Variants in ACER1 observed in about 807,000 individuals in gnomAD.
ACER1 encodes CTB-180A7.3.
Under a neutral mutation model 24.9 loss-of-function variants are expected in ACER1, and 28 were observed. The observed-to-expected ratio is 1.13, with a 90% CI of 0.83 to 1.54. The LOEUF (loss-of-function observed/expected upper bound fraction) is 1.54. Among genes scored for constraint, ACER1 ranks in the 40% most tolerant of loss-of-function variants. The pLI is 0.00. For missense variants in ACER1, 352 were observed against 349.3 expected (o/e 1.01, Z -0.06); for synonymous variants, 132 against 131.4 (o/e 1.00, Z -0.03).
At chr19:6,343,119 G>C in the ACER1 span, among the ~76,000 whole-genome samples, 2 of 152,192 alleles carry the variant, frequency 1.3e-5, no homozygotes, top group African/African-American at 4.8e-5. Flanking sequence ...TACTGGTGAG[G>C]ATGGGAAGTG....
chr19:6,350,463 C>T, the ACER1 span, among the ~76,000 whole-genome samples: 4 of 151,924 alleles, frequency 2.6e-5, no homozygotes, highest in South Asian at 2.1e-4. Flanking sequence ...CCCAGGTACT[C>T]GGGAGGCTGA....
At chr19:6,336,898 G>A (rs950523177), upstream of ACER1, among the ~76,000 whole-genome samples, 1 of 151,170 alleles carries the variant, frequency 6.6e-6, no homozygotes, top group East Asian at 1.9e-4. Flanking sequence ...TGAACTGGCC[G>A]GGCATGGTGG....
At chr19:6,337,835 C>T (rs907190775), upstream of ACER1, among the ~76,000 whole-genome samples, 1 of 151,188 alleles carries the variant, frequency 6.6e-6, no homozygotes, top group South Asian at 2.1e-4. Context: ...ACCACCAACG[C>T]CTGGCTAATT....
the ACER1 span, among the ~76,000 whole-genome samples, chr19:6,349,240 G>A: frequency 6.6e-6 from 1 of 151,778 alleles, no homozygotes; most frequent in Non-Finnish European, 1.5e-5. Context: ...GCTTTGAGAA[G>A]CAGAGGCAGG....
chr19:6,334,405 C>T (rs1262966807), upstream of ACER1, among the ~76,000 whole-genome samples: 8 of 151,776 alleles, frequency 5.3e-5, no homozygotes, highest in African/African-American at 1.5e-4. Context: ...AGTGTAGTGG[C>T]GCAATGTCAG....
intron 4 of ACER1, among the ~76,000 whole-genome samples, chr19:6,308,916 C>T (rs2091564138): frequency 6.6e-6 from 1 of 151,924 alleles, no homozygotes; most frequent in Non-Finnish European, 1.5e-5. Flanking sequence ...AGGACAAACT[C>T]TGCTGGGCAC....
the ACER1 span, among the ~76,000 whole-genome samples, chr19:6,350,664 A>G: frequency 4.8e-3 from 723 of 150,190 alleles, 2 homozygotes; most frequent in Middle Eastern, 0.01. Flanking sequence ...GGAGGGAAGG[A>G]TGGAAGGAAG....
chr19:6,321,356 G>A (rs572249243), intron 1 of ACER1, among the ~76,000 whole-genome samples: 2 of 152,260 alleles, frequency 1.3e-5, no homozygotes, highest in African/African-American at 4.8e-5. Context: ...GGCAAGACTA[G>A]TCTTGAACTC....
At chr19:6,350,991 G>A in the ACER1 span, among the ~76,000 whole-genome samples, 3 of 152,152 alleles carry the variant, frequency 2.0e-5, no homozygotes, top group South Asian at 2.1e-4. Context: ...AGAAAGTCAT[G>A]TCTATCTTGT....
chr19:6,334,423 C>A (rs551244685), upstream of ACER1, among the ~76,000 whole-genome samples: 2 of 152,156 alleles, frequency 1.3e-5, no homozygotes, highest in Admixed American at 1.3e-4. Context: ...CAGCTCACTG[C>A]AACCTCCACC....
In ACER1 at chr19:6,310,779, C is replaced by G. The variant is rs1442051046; in HGVS notation, c.351-945G>C. The stretch of plus-strand genomic sequence containing the variant: ...CCTGTAATCTCAGCTACTAAAGAGG[C>G]TGAGGCAGGGATCGCTTGAGCCTGG... On this transcript the variant is annotated intron_variant, in intron 3 of 5. Coordinates refer to ENST00000301452, the MANE Select transcript of ACER1 (RefSeq NM_133492.3). Among the ~76,000 whole-genome samples, 5 of 149,654 alleles carry G rather than the reference C, an allele frequency of 3.3e-5. No homozygotes were observed. In the Admixed American group the frequency reaches 3.4e-4, roughly 10 times the overall value.
intron 1 of ACER1, among the ~76,000 whole-genome samples, chr19:6,326,120 A>AT (rs961518968): frequency 0.21 from 20,882 of 97,126 alleles, 2,770 homozygotes; most frequent in East Asian, 0.37. Flanking sequence ...ATGCTCAGCT[A>AT]TTTTTTTTTT....
chr19:6,359,863 T>C, the ACER1 span, among the ~76,000 whole-genome samples: 1 of 152,182 alleles, frequency 6.6e-6, no homozygotes, highest in Admixed American at 6.6e-5. Context: ...CAAAGCCCTC[T>C]ACCTACCTCC....
chr19:6,356,359 A>C, the ACER1 span, among the ~76,000 whole-genome samples: 21 of 149,256 alleles, frequency 1.4e-4, no homozygotes, highest in Non-Finnish European at 8.9e-5. Context: ...TCCTCTGCCT[A>C]GGAAAACCAG....
At chr19:6,349,634 C>A in the ACER1 span, among the ~76,000 whole-genome samples, 2 of 152,126 alleles carry the variant, frequency 1.3e-5, no homozygotes, top group African/African-American at 4.8e-5. Context: ...AGCCAGTGAG[C>A]CCCATCAGAG....
At chr19:6,354,498 A>G in the ACER1 span, among the ~76,000 whole-genome samples, 1 of 152,256 alleles carries the variant, frequency 6.6e-6, no homozygotes, top group Admixed American at 6.5e-5. Context: ...GCAATAGAAC[A>G]GGATCAAATA....
At chr19:6,343,552 T>G in the ACER1 span, among the ~76,000 whole-genome samples, 3 of 151,778 alleles carry the variant, frequency 2.0e-5, no homozygotes, top group Non-Finnish European at 2.9e-5. Flanking sequence ...AATCCCAAAA[T>G]GTGCCCTTTG....
chr19:6,344,632 G>C, the ACER1 span, among the ~76,000 whole-genome samples: 1 of 135,198 alleles, frequency 7.4e-6, no homozygotes. Flanking sequence ...CTGACCTCAA[G>C]TGATCCGCCT....
Position 6,324,774 on chromosome 19 carries a change from AAG to A in ACER1, c.93+8683_93+8684del, listed in dbSNP as rs530771445. On this transcript the variant is annotated intron_variant, in intron 1 of 5. Coordinates refer to ENST00000301452, the MANE Select transcript of ACER1 (RefSeq NM_133492.3). ...CAAAACAAAATAAAATAAAGAAAGA[AAG>A]AGAAAGAGAGAGAAGAGAGAAGAAA... is the stretch of plus-strand genomic sequence containing the variant. Among the ~76,000 whole-genome samples, 630 of 150,676 alleles carry A rather than the reference AAG, an allele frequency of 4.2e-3. 5 individuals are homozygous for A. The highest frequency in any genetic ancestry group is 0.015 in the African/African-American group (594 of 40,708).
Sources: allele counts gnomAD v4.1 joint callset (sites outside exome capture counted in the v4.1 genomes callset), GRCh38; gene constraint gnomAD v4.1.1; transcripts MANE v1.5; gene names NCBI Gene and HGNC (gene_info 2026-07-23, HGNC 2026-07-21).